CLU: variants seen among roughly 807,000 people sequenced by gnomAD.
CLU encodes clusterin.
Under a neutral mutation model 46.4 loss-of-function variants are expected in CLU, and 25 were observed. The ratio of observed to expected loss-of-function variants is 0.54; its 90% CI spans 0.39 to 0.75. The LOEUF is 0.75. Ranked by LOEUF, CLU falls within the 30% of genes least tolerant of loss-of-function variation. The pLI, the probability that CLU is intolerant of heterozygous loss-of-function variation, is 0.00. For missense variants in CLU, 504 were observed against 592.1 expected (o/e 0.85, Z 1.54); for synonymous variants, 235 against 235.1 (o/e 1.00, Z 0.00).
chr8:27,604,128 G>A, intron 6 of CLU, 163 bp downstream of exon 6: 1 of 657,252 alleles, frequency 1.5e-6, no homozygotes, highest in Non-Finnish European at 2.8e-6. Flanking sequence ...AACCGAAGCT[G>A]CATGAGGCTC....
rs1800638830 is a variant in CLU at position 27,597,987 on chromosome 8, T to C, written c.*254A>G. The C allele has an allele frequency of 1.5e-6, 1 of 671,992 alleles. No individual in the cohort carries two copies. Among genetic ancestry groups the C allele is most frequent in the Non-Finnish European group, 2.7e-6 (1 of 367,912 alleles). 41.6% of individuals were successfully genotyped at this position (671,992 alleles called of 1,614,324 possible). A position where few individuals can be genotyped will look rare whatever the true frequency, so the allele number is the denominator to read the frequency against. ...GCAACTCAACATAAAAAGAGGACCC[T>C]CCAAGCGATCAGCTCACAAGACAGT... On this transcript the variant is annotated 3_prime_UTR_variant, in exon 9 of 9. Coordinates refer to ENST00000316403, the MANE Select transcript of CLU (RefSeq NM_001831.4).
chr8:27,598,782 AGAC>A (rs1800663578), intron 7 of CLU, 147 bp from the exon 8 acceptor site: 1 of 746,934 alleles, frequency 1.3e-6, no homozygotes, highest in South Asian at 1.5e-5. Context: ...TTATACATCT[AGAC>A]GTAAGTACAG....
chr8:27,598,131 TG>T lies in CLU; in HGVS notation c.*109del. 9.0e-7 allele frequency: 1 copy of T among 1,114,986 alleles called. No homozygotes were observed. The highest frequency in any genetic ancestry group is 1.4e-6 in the Non-Finnish European group (1 of 738,812). 69.1% of individuals were successfully genotyped at this position (1,114,986 alleles called of 1,614,324 possible). On this transcript the variant is annotated 3_prime_UTR_variant, in exon 9 of 9. Coordinates refer to ENST00000316403, the MANE Select transcript of CLU (RefSeq NM_001831.4). Reference sequence around the variant, plus strand: ...TGGGCGGAGTTGGGGGCCTGGAGGCTGGGGCCTGGTTACTTGGTGACGTGCA... The same window carrying T: ...TGGGCGGAGTTGGGGGCCTGGAGGCTGGGCCTGGTTACTTGGTGACGTGCA...
In CLU at chr8:27,599,791, G is replaced by A. The variant is rs773292162; in HGVS notation, c.1153C>T (p.Arg385Trp). ...GGGACACAGCTCACCGTGGTGACCC[G>A]CAGATAGTACTGGTCTTCGCCTTGC... ...LTQGEDQYYL[R>W]VTTVASHTSD... Residue 385 changes from arginine to tryptophan, a missense_variant, in exon 7 of 9, where the codon CGG becomes TGG. Arg to Trp is a moderately radical substitution (Grantham distance 101). Transcript: ENST00000316403. The surrounding 1 kb of genome is among the most constrained non-coding windows in gnomAD (Gnocchi z 4.0). The A allele has an allele frequency of 1.1e-5, 17 of 1,609,528 alleles. No individual in the cohort carries two copies. The African/African-American group carries it at 1.2e-4, about 11-fold the overall frequency.
chr8:27,608,651 C>T, intron 3 of CLU: 1 of 552,206 alleles, frequency 1.8e-6, no homozygotes. Context: ...CCAGAGCCTG[C>T]TTGGAACTAG....
In CLU at chr8:27,606,242, C is replaced by T. The variant is rs1022654073; in HGVS notation, c.417+112G>A. The T allele has an allele frequency of 3.6e-5, 46 of 1,269,330 alleles. 1 individual carries two copies. In the Middle Eastern group the frequency reaches 7.9e-4, roughly 22 times the overall value. The allele number at this position is 1,269,330 out of a possible 1,614,324, so 78.6% of individuals were successfully genotyped here. On this transcript the variant is annotated intron_variant, in intron 4 of 8. Coordinates refer to ENST00000316403, the MANE Select transcript of CLU (RefSeq NM_001831.4). ...TACCAATGGAGCATGGCACTCTGGG[C>T]AAGCCAGCCAATGCTAATCAATTGC...
At chr8:27,601,005 T>C (rs968501007) in intron 6 of CLU, among the ~76,000 whole-genome samples, 3 of 152,326 alleles carry the variant, frequency 2.0e-5, no homozygotes, top group African/African-American at 4.8e-5. Flanking sequence ...GCTCCTAAGC[T>C]TGGGCTTTTC....
chr8:27,601,142 G>A (rs1412169926), intron 6 of CLU, among the ~76,000 whole-genome samples: 1 of 152,132 alleles, frequency 6.6e-6, no homozygotes, highest in Non-Finnish European at 1.5e-5. Flanking sequence ...TCCACCTCCC[G>A]GGTTCAAGCA....
At position 27,600,018 on chromosome 8, in the gene CLU, A is replaced by G. The variant is rs1442112564; in HGVS notation, c.935-9T>C. 15 of 1,610,322 alleles carry G rather than the reference A, an allele frequency of 9.3e-6. No homozygotes were observed. The highest frequency in any genetic ancestry group is 1.3e-5 in the Non-Finnish European group (15 of 1,176,656). On this transcript the variant is annotated splice_polypyrimidine_tract_variant and intron_variant, in intron 6 of 8. Transcript: ENST00000316403. ...GTTGTTGGTGGAACAGTCTGCCCAG[A>G]GATGGAAGAAACGCAAGTGAGAAGT...
intron 1 of CLU, among the ~76,000 whole-genome samples, chr8:27,613,409 AAAAG>A (rs1178300055): frequency 2.6e-5 from 4 of 151,314 alleles, no homozygotes; most frequent in Non-Finnish European, 4.4e-5. Context: ...AAAAAGAGAG[AAAAG>A]AAAGAAAGAA....
chr8:27,611,119 GC>G (rs1308583469), intron 1 of CLU: 1 of 439,656 alleles, frequency 2.3e-6, no homozygotes, highest in Non-Finnish European at 4.6e-6. Context: ...CCACAGCGCT[GC>G]AGCCCCCAGG....
Position 27,610,460 on chromosome 8 carries a change from G to C in CLU, c.97+15C>G. On this transcript the variant is annotated intron_variant, in intron 2 of 8. Transcript: ENST00000316403. Reference sequence around the variant, plus strand: ...CACCCTGTGGCCAGAGGAACATCATGCTTGGTCTACTCACCCTGGAGCTCA... The same window carrying C: ...CACCCTGTGGCCAGAGGAACATCATCCTTGGTCTACTCACCCTGGAGCTCA... 6.2e-7 allele frequency: 1 copy of C among 1,604,234 alleles called. No homozygotes were observed.
chr8:27,597,371 TAAAAGCCGAG>T lies in CLU; in HGVS notation c.*860_*869del, dbSNP rs1324341702. On this transcript the variant is annotated 3_prime_UTR_variant, in exon 9 of 9. Coordinates refer to ENST00000316403, the MANE Select transcript of CLU (RefSeq NM_001831.4). Reference sequence around the variant, plus strand: ...ACTGCAGCCCAGCTATGGTTCAGACTAAAAGCCGAGAAACGCCTGTGGTCCAGGGAAAGGT... The same window carrying T: ...ACTGCAGCCCAGCTATGGTTCAGACTAAACGCCTGTGGTCCAGGGAAAGGT... 2.2e-6 allele frequency: 1 copy of T among 454,360 alleles called. No individual in the cohort carries two copies. The highest frequency in any genetic ancestry group is 4.4e-6 in the Non-Finnish European group (1 of 226,794). The allele number at this position is 454,360 out of a possible 1,614,324, so 28.1% of individuals were successfully genotyped here.
intron 6 of CLU, among the ~76,000 whole-genome samples, chr8:27,601,403 T>A (rs1311565620): frequency 6.6e-6 from 1 of 152,188 alleles, no homozygotes; most frequent in Non-Finnish European, 1.5e-5. Flanking sequence ...TGCCAGGAGT[T>A]CATGCAGCTG....
At position 27,597,693 on chromosome 8, in the gene CLU, A is replaced by G. The variant is rs973317599; in HGVS notation, c.*548T>C. The G allele has an allele frequency of 4.0e-5, 18 of 454,104 alleles. No homozygotes were observed. Among genetic ancestry groups the G allele is most frequent in the Non-Finnish European group, 7.1e-5 (16 of 226,864 alleles). 28.1% of individuals were successfully genotyped at this position (454,104 alleles called of 1,614,324 possible). The stretch of plus-strand genomic sequence containing the variant: ...AGGAGATTGTCGCACCTTGGTCAGA[A>G]TACATCGACAGTTTTATAATAGAAC... On this transcript the variant is annotated 3_prime_UTR_variant, in exon 9 of 9. Transcript: ENST00000316403.
intron 5 of CLU, 57 bp from the exon 6 acceptor site, chr8:27,604,452 A>AC: frequency 7.9e-7 from 1 of 1,262,016 alleles, no homozygotes; most frequent in Non-Finnish European, 1.2e-6. Context: ...GATGGACTCC[A>AC]CTGATTCCTA....
rs972919602 is a variant in CLU at position 27,597,361 on chromosome 8, T to C, written c.*880A>G. 1.3e-5 allele frequency: 6 copies of C among 454,538 alleles called. No homozygotes were observed. In the Admixed American group the frequency reaches 1.4e-4, roughly 11 times the overall value. 28.2% of individuals were successfully genotyped at this position (454,538 alleles called of 1,614,324 possible). ...AGCGTAGGGTACTGCAGCCCAGCTA[T>C]GGTTCAGACTAAAAGCCGAGAAACG... On this transcript the variant is annotated 3_prime_UTR_variant, in exon 9 of 9. Transcript: ENST00000316403.
intron 6 of CLU, among the ~76,000 whole-genome samples, chr8:27,603,003 C>T (rs904971380): frequency 6.6e-6 from 1 of 152,084 alleles, no homozygotes; most frequent in Non-Finnish European, 1.5e-5. Flanking sequence ...AGGCGGAGGT[C>T]GCAGTGAGCC....
Position 27,605,327 on chromosome 8 carries a change from C to T in CLU, c.426G>A (p.Glu142=), listed in dbSNP as rs1370597528. 6.2e-7 allele frequency: 1 copy of T among 1,614,182 alleles called. No homozygotes were observed. The highest frequency in any genetic ancestry group is 8.5e-7 in the Non-Finnish European group (1 of 1,180,026). ...AGAAGGGCGAGCTCTGGTTCAGGAA[C>T]TCCTCAAGCTGGGACAGCCAGCATG... is the stretch of plus-strand genomic sequence containing the variant. ...GSGLVGRQLE[E]FLNQSSPFYF... The change falls in exon 5 of 9, where the codon GAG becomes GAA. Residue 142 remains glutamate, a synonymous_variant. Coordinates refer to ENST00000316403, the MANE Select transcript of CLU (RefSeq NM_001831.4).
Sources: allele counts gnomAD v4.1 joint callset (sites outside exome capture counted in the v4.1 genomes callset), GRCh38; gene constraint gnomAD v4.1.1; non-coding constraint Gnocchi (gnomAD v3.1); transcripts MANE v1.5; gene names NCBI Gene and HGNC (gene_info 2026-07-23, HGNC 2026-07-21).